Variants in ITPR1 observed in about 807,000 individuals in gnomAD.
ITPR1 encodes inositol 1,4,5-trisphosphate-gated calcium channel ITPR1.
Under a neutral mutation model 318.4 loss-of-function variants are expected in ITPR1, and 96 were observed. The observed-to-expected ratio is 0.30, with a 90% CI of 0.26 to 0.36. ITPR1 has a LOEUF of 0.36. Ranked by LOEUF, ITPR1 falls within the 10% of genes least tolerant of loss-of-function variation. ITPR1 has a pLI of 1.00. For missense variants in ITPR1, 2,440 were observed against 3,460.2 expected, an observed-to-expected ratio of 0.71 and a Z score of 7.40; for synonymous variants, 1,312 against 1,289.9, an observed-to-expected ratio of 1.02 and a Z score of -0.37.
At position 4,779,397 on chromosome 3, in the gene ITPR1, G is replaced by T. The variant is rs2046678117; in HGVS notation, c.6292-153G>T. On this transcript the variant is annotated intron_variant, in intron 48 of 61. Coordinates refer to ENST00000649015, the MANE Select transcript of ITPR1 (RefSeq NM_001378452.1). This position sits in a 1 kb window ranked among gnomAD's most constrained non-coding sequence, Gnocchi z 4.0. ...GGGATGCTCTCTGCCTGGTGCAGAT[G>T]GATTTTGATGTCCTTAACCCAGAGC... is the stretch of plus-strand genomic sequence containing the variant. 6.6e-6 allele frequency among the ~76,000 whole-genome samples: 1 copy of T among 152,240 alleles called. No homozygotes were observed. The highest frequency in any genetic ancestry group is 2.1e-4 in the South Asian group (1 of 4,832).
chr3:4,725,643 C>T, intron 41 of ITPR1, 62 bp downstream of exon 41: 3 of 1,411,444 alleles, frequency 2.1e-6, no homozygotes, highest in Non-Finnish European at 3.0e-6. Context: ...TCTCAGTTGT[C>T]CTGGTTGGGT....
At chr3:4,571,486 A>G (rs1006885222) in intron 4 of ITPR1, among the ~76,000 whole-genome samples, 2 of 151,952 alleles carry the variant, frequency 1.3e-5, no homozygotes, top group African/African-American at 4.8e-5. Flanking sequence ...CTACAGGCAC[A>G]TGTTACCACG....
chr3:4,787,630 A>G (rs1387360939), intron 51 of ITPR1, among the ~76,000 whole-genome samples: 1 of 150,866 alleles, frequency 6.6e-6, no homozygotes, highest in Non-Finnish European at 1.5e-5. Flanking sequence ...CCCAGGAGGC[A>G]GAGGTTGCAG....
At chr3:4,708,482 CA>C in intron 37 of ITPR1, among the ~76,000 whole-genome samples, 1 of 152,274 alleles carries the variant, frequency 6.6e-6, no homozygotes, top group South Asian at 2.1e-4. Context: ...TCTTAAATAA[CA>C]AAGAGAACCA....
intron 42 of ITPR1, among the ~76,000 whole-genome samples, chr3:4,730,832 C>T (rs907354128): frequency 6.6e-6 from 1 of 152,182 alleles, no homozygotes; most frequent in Non-Finnish European, 1.5e-5. Flanking sequence ...TACTGCCTTT[C>T]ACTTGACCAC....
rs186139936 is a variant in ITPR1, at chr3:4,718,947, A to T, written c.5136+1548A>T. Among the ~76,000 whole-genome samples the T allele has an allele frequency of 1.6e-3, 248 of 152,286 alleles. 1 individual carries two copies. Among genetic ancestry groups the T allele is most frequent in the African/African-American group, 5.4e-3 (226 of 41,548 alleles). ...CTGATTTAAATTTTTCCTCTGAAAT[A>T]TTGAGGTTGAGTTTCTATTTGCTTA... On this transcript the variant is annotated intron_variant, in intron 40 of 61. Transcript: ENST00000649015.
Position 4,741,889 on chromosome 3 carries a change from C to T in ITPR1, c.5544+6535C>T, listed in dbSNP as rs989231300. On this transcript the variant is annotated intron_variant, in intron 44 of 61. Coordinates refer to ENST00000649015, the MANE Select transcript of ITPR1 (RefSeq NM_001378452.1). Reference sequence around the variant, plus strand: ...ACTTCTGAGCGGTGTTTTCTAACCTCAGGTTTTATCCATGTGGGAAAGGAG... The same window carrying T: ...ACTTCTGAGCGGTGTTTTCTAACCTTAGGTTTTATCCATGTGGGAAAGGAG... 5.3e-5 allele frequency among the ~76,000 whole-genome samples: 8 copies of T among 152,148 alleles called. No homozygotes were observed. The South Asian group carries it at 8.3e-4, about 16-fold the overall frequency.
chr3:4,783,485 C>T (rs2046968507), intron 50 of ITPR1, among the ~76,000 whole-genome samples: 1 of 151,340 alleles, frequency 6.6e-6, no homozygotes, highest in South Asian at 2.1e-4. Flanking sequence ...CTTCCATGAC[C>T]ACATCTGCCA....
rs116640452 is a variant in ITPR1, at chr3:4,802,887, G to A, written c.7107+2287G>A. Among the ~76,000 whole-genome samples the A allele has an allele frequency of 9.3e-3, 1,414 of 151,904 alleles. 18 individuals carry two copies. The highest frequency in any genetic ancestry group is 0.032 in the African/African-American group (1,314 of 41,416). On this transcript the variant is annotated intron_variant, in intron 54 of 61. Coordinates refer to ENST00000649015, the MANE Select transcript of ITPR1 (RefSeq NM_001378452.1). Reference sequence around the variant, plus strand: ...AGAGAGAAAGAGAGATGAGGAAATAGTAACACATGGTGGGCACAGAGTCAG... The same window carrying A: ...AGAGAGAAAGAGAGATGAGGAAATAATAACACATGGTGGGCACAGAGTCAG...
At chr3:4,506,632 CT>C (rs2081414918) in intron 2 of ITPR1, among the ~76,000 whole-genome samples, 1 of 152,158 alleles carries the variant, frequency 6.6e-6, no homozygotes, top group African/African-American at 2.4e-5. Flanking sequence ...TTGCTTTGAT[CT>C]GTATCCCCAG....
chr3:4,806,240 T>A lies in ITPR1; in HGVS notation c.7245T>A (p.Phe2415Leu). The A allele has an allele frequency of 2.5e-6, 4 of 1,614,044 alleles. No individual in the cohort carries two copies. The highest frequency in any genetic ancestry group is 3.4e-6 in the Non-Finnish European group (4 of 1,179,872). The change falls in exon 55 of 62, where the codon TTT (phenylalanine) becomes TTA (leucine). Residue 2415 changes from phenylalanine (F) to leucine (L), a missense_variant. Transcript: ENST00000649015. Reference sequence around the variant, plus strand: ...TGGTGATCTGTGCCATGGGGCTCTTTGTCCATGAATTCTTCTACAGTCTGC... The same window carrying A: ...TGGTGATCTGTGCCATGGGGCTCTTAGTCCATGAATTCTTCTACAGTCTGC... ...LYLVICAMGLFVHEFFYSLLL... is the reference protein window; with the variant it reads ...LYLVICAMGLLVHEFFYSLLL...
At chr3:4,730,319 A>G (rs2042823424) in intron 42 of ITPR1, among the ~76,000 whole-genome samples, 1 of 148,028 alleles carries the variant, frequency 6.8e-6, no homozygotes, top group Non-Finnish European at 1.5e-5. Flanking sequence ...TGAGATGAAT[A>G]TGTGCCAAAA....
In ITPR1 at chr3:4,847,235, A is replaced by AGTT. The variant is rs1378054594; in HGVS notation, c.*1012_*1014dup. ...TATGAACTATCTCATTAGAAGTCAT[A>AGTT]GTTGACCACAGACATGTTATTCTTC... On this transcript the variant is annotated 3_prime_UTR_variant, in exon 62 of 62. Transcript: ENST00000649015. 1 of 152,652 alleles carries AGTT rather than the reference A, an allele frequency of 6.6e-6. No homozygotes were observed. The highest frequency in any genetic ancestry group is 2.4e-5 in the African/African-American group (1 of 41,478). The allele number at this position is 152,652 out of a possible 1,614,324, so 9.5% of individuals were successfully genotyped here. A position where few individuals can be genotyped will look rare whatever the true frequency, so the allele number is the denominator to read the frequency against.
intron 5 of ITPR1, among the ~76,000 whole-genome samples, chr3:4,637,715 T>C (rs1449141224): frequency 6.6e-6 from 1 of 151,968 alleles, no homozygotes; most frequent in East Asian, 1.9e-4. Flanking sequence ...ATTCCCCTCC[T>C]GTAATATGGT....
chr3:4,712,002 G>T, intron 39 of ITPR1, 134 bp downstream of exon 39: 1 of 518,340 alleles, frequency 1.9e-6, no homozygotes, highest in South Asian at 3.6e-5. Context: ...AAGAAAGAAA[G>T]AAAAAGCTGT....
intron 37 of ITPR1, among the ~76,000 whole-genome samples, 169 bp downstream of exon 37, chr3:4,706,520 C>T (rs2094761289): frequency 6.6e-6 from 1 of 152,156 alleles, no homozygotes. Flanking sequence ...TGGGAAGTTA[C>T]TTAGGAATAG....
chr3:4,557,112 A>G (rs1386439565), intron 4 of ITPR1, among the ~76,000 whole-genome samples: 2 of 152,216 alleles, frequency 1.3e-5, no homozygotes, highest in Non-Finnish European at 2.9e-5. Flanking sequence ...CGTGTGTATT[A>G]GTCTGTTCTC....
In ITPR1 at chr3:4,812,295, C is replaced by T. The variant is rs567485050; in HGVS notation, c.7468+835C>T. ...TCAGGCGATCCCCCAGCTTTAGCTT[C>T]CCAAAGTGCTGGGATTACAGGTGTG... On this transcript the variant is annotated intron_variant, in intron 56 of 61. Coordinates refer to ENST00000649015, the MANE Select transcript of ITPR1 (RefSeq NM_001378452.1). Among the ~76,000 whole-genome samples the T allele has an allele frequency of 5.2e-4, 79 of 152,268 alleles. No individual in the cohort carries two copies. In the Middle Eastern group the frequency reaches 0.017, roughly 33 times the overall value.
At position 4,710,451 on chromosome 3, in the gene ITPR1, G is replaced by A; in HGVS notation, c.4969G>A (p.Glu1657Lys). The A allele has an allele frequency of 6.4e-7, 1 of 1,553,276 alleles. No individual in the cohort carries two copies. Among genetic ancestry groups the A allele is most frequent in the Non-Finnish European group, 8.7e-7 (1 of 1,147,672 alleles). Residue 1657 changes from glutamate (E) to lysine (K), a missense_variant, in exon 38 of 62, where the codon GAA (glutamate) becomes AAA (lysine). Around this residue, in one of 23 missense-constraint regions of ITPR1, gnomAD observed 166 missense variants for 246.5 expected, o/e 0.67. Transcript: ENST00000649015. The surrounding 1 kb of genome is among the most constrained non-coding windows in gnomAD (Gnocchi z 4.2). ...PENTDARRKC[E>K]SGGFICKLIK... ...GAACACAGACGCCAGAAGGAAATGT[G>A]AAAGTGGCGGTTTCATTTGCAAGTA... is the stretch of plus-strand genomic sequence containing the variant.
Sources: gnomAD v4.1 joint callset for allele counts (sites outside exome capture counted in the v4.1 genomes callset) on GRCh38, gnomAD v4.1.1 for gene constraint, gnomAD v4.1.1 regional missense constraint, Gnocchi (gnomAD v3.1) non-coding constraint, MANE v1.5 for transcripts, NCBI Gene and HGNC (gene_info 2026-07-23, HGNC 2026-07-21) for gene names.